Variants in FUT8 observed in about 807,000 individuals in gnomAD.
FUT8 encodes the protein fucosyltransferase 8, also known as alpha-(1,6)-fucosyltransferase.
In FUT8, 29 loss-of-function variants were observed where a neutral mutation model predicts 71.3. The ratio of observed to expected loss-of-function variants is 0.41; its 90% CI spans 0.30 to 0.55. FUT8 has a LOEUF of 0.55. Among genes scored for constraint, FUT8 ranks in the 20% least tolerant of loss-of-function variants. The probability of loss-of-function intolerance (pLI) is 0.34; values close to 1 mark genes in which losing one functional copy is unlikely to be tolerated. For missense variants in FUT8, 544 were observed against 702.1 expected, an observed-to-expected ratio of 0.77 and a Z score of 2.55; for synonymous variants, 254 against 239.3, an observed-to-expected ratio of 1.06 and a Z score of -0.57.
At chr14:65,443,084 A>T (rs1395886283) in intron 1 of FUT8, among the ~76,000 whole-genome samples, 1 of 152,178 alleles carries the variant, frequency 6.6e-6, no homozygotes, top group Non-Finnish European at 1.5e-5. Flanking sequence ...TATCTTCAGA[A>T]TGTTTCTGCA....
intron 2 of FUT8, among the ~76,000 whole-genome samples, chr14:65,487,391 C>T (rs555809048): frequency 2.4e-4 from 36 of 151,912 alleles, no homozygotes; most frequent in South Asian, 1.5e-3. Flanking sequence ...GGTGAGACCC[C>T]GTCTCTACTA....
At chr14:65,363,843 A>T in the FUT8 span, among the ~76,000 whole-genome samples, 2,047 of 152,338 alleles carry the variant, frequency 0.013, 20 homozygotes, top group Admixed American at 0.026. Flanking sequence ...GAAGGCTGCC[A>T]TGCTTTCTAA....
In FUT8 at chr14:65,467,038, A is replaced by G. The variant is rs935455071; in HGVS notation, c.-228+11320A>G. ...GAATTAAGGATCAGAAAAACAAAAG[A>G]TTTAGTTTTACCTTTATTTTTTTCC... On this transcript the variant is annotated intron_variant, in intron 2 of 10. Coordinates refer to ENST00000673929, the MANE Select transcript of FUT8 (RefSeq NM_001371533.1). The surrounding 1 kb of genome is among the most constrained non-coding windows in gnomAD (Gnocchi z 4.1). Among the ~76,000 whole-genome samples the G allele has an allele frequency of 6.6e-6, 1 of 152,130 alleles. No individual in the cohort carries two copies. Among genetic ancestry groups the G allele is most frequent in the African/African-American group, 2.4e-5 (1 of 41,436 alleles).
the FUT8 span, among the ~76,000 whole-genome samples, chr14:65,359,708 AC>A: frequency 6.6e-6 from 1 of 152,212 alleles, no homozygotes; most frequent in Non-Finnish European, 1.5e-5. Flanking sequence ...TGCATGGAAC[AC>A]ATTTTATTTA....
intron 7 of FUT8, among the ~76,000 whole-genome samples, chr14:65,707,498 T>G (rs756390198): frequency 4.6e-5 from 7 of 152,126 alleles, no homozygotes; most frequent in Admixed American, 6.6e-5. Context: ...TTATTTTGAT[T>G]CAGTTCCATT....
At position 65,502,889 on chromosome 14, in the gene FUT8, T is replaced by G. The variant is rs73284154; in HGVS notation, c.-228+47171T>G. Among the ~76,000 whole-genome samples, 1,421 of 152,276 alleles carry G rather than the reference T, an allele frequency of 9.3e-3. 22 individuals are homozygous for G. The highest frequency in any genetic ancestry group is 0.033 in the African/African-American group (1,353 of 41,542). On this transcript the variant is annotated intron_variant, in intron 2 of 10. Coordinates refer to ENST00000673929, the MANE Select transcript of FUT8 (RefSeq NM_001371533.1). ...ATATGTCCCTGGGTAAGGCCTGAGA[T>G]TGTGCATTTCTAACAAGCTCCCAGG...
the FUT8 span, among the ~76,000 whole-genome samples, chr14:65,377,210 G>C: frequency 6.6e-6 from 1 of 152,082 alleles, no homozygotes; most frequent in South Asian, 2.1e-4. Context: ...AAAGCTTCTA[G>C]GTCCAAACTC....
rs60967671 is a variant in FUT8 at position 65,643,665 on chromosome 14, T to TACACACACACAC, written c.597+14098_597+14109dup. ...CGAGACTCCGTCTTTAAAAAAAAAA[T>TACACACACACAC]ACACACACACACACACACACACACA... On this transcript the variant is annotated intron_variant, in intron 6 of 10. Coordinates refer to ENST00000673929, the MANE Select transcript of FUT8 (RefSeq NM_001371533.1). The surrounding 1 kb of genome is among the most constrained non-coding windows in gnomAD (Gnocchi z 4.5). 0.019 allele frequency among the ~76,000 whole-genome samples: 2,372 copies of TACACACACACAC among 124,684 alleles called. 80 individuals carry two copies. The highest frequency in any genetic ancestry group is 0.037 in the East Asian group (143 of 3,826). The allele number at this position is 124,684 out of a possible 152,430, so 81.8% of individuals were successfully genotyped here.
At position 65,674,795 on chromosome 14, in the gene FUT8, A is replaced by G. The variant is rs562826833; in HGVS notation, c.835+5315A>G. On this transcript the variant is annotated intron_variant, in intron 7 of 10. Coordinates refer to ENST00000673929, the MANE Select transcript of FUT8 (RefSeq NM_001371533.1). ...TAGTGAAACTGGCTTTGTTGCAGCA[A>G]AGATCTGGTTGTGCAGGAGGCTATT... 2.6e-5 allele frequency among the ~76,000 whole-genome samples: 4 copies of G among 152,294 alleles called. No individual in the cohort carries two copies. In the East Asian group the frequency reaches 7.7e-4, roughly 29 times the overall value.
In FUT8 at chr14:65,606,172, A is replaced by C. The variant is rs192928592; in HGVS notation, c.204-9806A>C. Among the ~76,000 whole-genome samples the C allele has an allele frequency of 2.7e-5, 4 of 150,524 alleles. No individual in the cohort carries two copies. The East Asian group carries it at 7.8e-4, about 29-fold the overall frequency. Reference sequence around the variant, plus strand: ...ACTGCAACCTCCGCCTCCCAGGTTCAAGTGATTCTCCTGCCTCAGCCTCCC... The same window carrying C: ...ACTGCAACCTCCGCCTCCCAGGTTCCAGTGATTCTCCTGCCTCAGCCTCCC... On this transcript the variant is annotated intron_variant, in intron 3 of 10. Coordinates refer to ENST00000673929, the MANE Select transcript of FUT8 (RefSeq NM_001371533.1).
intron 3 of FUT8, among the ~76,000 whole-genome samples, chr14:65,588,083 A>G (rs956390500): frequency 2.0e-5 from 3 of 152,178 alleles, no homozygotes; most frequent in African/African-American, 7.2e-5. Flanking sequence ...CTTTTAAAAC[A>G]AACATTATTT....
chr14:65,674,419 C>A (rs2140386068), intron 7 of FUT8, among the ~76,000 whole-genome samples: 1 of 152,260 alleles, frequency 6.6e-6, no homozygotes, highest in East Asian at 1.9e-4. Flanking sequence ...CCTCCCTGTC[C>A]ACCTGGAATA....
chr14:65,721,851 A>G lies in FUT8; in HGVS notation c.912A>G (p.Leu304=), dbSNP rs759648225. 1.2e-6 allele frequency: 2 copies of G among 1,614,054 alleles called. No individual in the cohort carries two copies. The highest frequency in any genetic ancestry group is 3.3e-5 in the Admixed American group (2 of 60,004). The part of the protein sequence containing the change: ...VDSLHPRPPY[L]PLAVPEDLAD... ...GTCTTCATCCCCGTCCTCCATATTT[A>G]CCCTTGGCTGTACCAGAAGACCTCG... The change falls in exon 8 of 11, where the codon TTA becomes TTG. Residue 304 remains leucine, a synonymous_variant. Coordinates refer to ENST00000673929, the MANE Select transcript of FUT8 (RefSeq NM_001371533.1).
chr14:65,475,424 C>A (rs72714447), intron 2 of FUT8, among the ~76,000 whole-genome samples: 19,923 of 152,008 alleles, frequency 0.13, 1,754 homozygotes, highest in Middle Eastern at 0.2. Flanking sequence ...CATGTTATCT[C>A]CTTTGGAATT....
At chr14:65,655,495 G>T (rs1257511875) in intron 6 of FUT8, among the ~76,000 whole-genome samples, 1 of 138,768 alleles carries the variant, frequency 7.2e-6, no homozygotes, top group Non-Finnish European at 1.6e-5. Flanking sequence ...AAAAAAAAAA[G>T]TACAGTGACT....
intron 1 of FUT8, among the ~76,000 whole-genome samples, chr14:65,425,467 C>T (rs1278771374): frequency 1.5e-5 from 2 of 137,624 alleles, no homozygotes; most frequent in African/African-American, 2.7e-5. Context: ...CATGCCTGGC[C>T]GTTTTTTTTT....
chr14:65,460,484 T>C (rs769387297), intron 2 of FUT8, among the ~76,000 whole-genome samples: 4 of 152,210 alleles, frequency 2.6e-5, no homozygotes, highest in African/African-American at 7.2e-5. Context: ...TTGGTTTTCC[T>C]TTCATTGGCC....
chr14:65,405,270 A>T, the FUT8 span, among the ~76,000 whole-genome samples: 1 of 152,196 alleles, frequency 6.6e-6, no homozygotes, highest in Non-Finnish European at 1.5e-5. Flanking sequence ...AGCCACATCC[A>T]TTGCAGGGGA....
chr14:65,525,415 T>A (rs1474816755), intron 2 of FUT8, among the ~76,000 whole-genome samples: 1 of 152,254 alleles, frequency 6.6e-6, no homozygotes, highest in African/African-American at 2.4e-5. Context: ...TGATATCCCC[T>A]TTATCATTTT....
Sources: allele counts gnomAD v4.1 joint callset (sites outside exome capture counted in the v4.1 genomes callset), GRCh38; gene constraint gnomAD v4.1.1; non-coding constraint Gnocchi (gnomAD v3.1); transcripts MANE v1.5; gene names NCBI Gene and HGNC (gene_info 2026-07-23, HGNC 2026-07-21).